MAPK8IP3: variants seen among roughly 807,000 people sequenced by gnomAD.
The protein encoded by MAPK8IP3 is C-Jun-amino-terminal kinase-interacting protein 3.
A neutral mutation model predicts 157.8 loss-of-function variants in MAPK8IP3; 49 were observed. That is an observed-to-expected ratio of 0.31 (90% CI 0.25 to 0.39). The LOEUF is 0.39. MAPK8IP3 is among the 10% of genes least tolerant of loss of function. The pLI is 1.00. For missense variants in MAPK8IP3, 1,478 were observed against 1,889.4 expected (o/e 0.78, Z 4.04); for synonymous variants, 897 against 777.7 (o/e 1.15, Z -2.55).
At position 1,710,994 on chromosome 16, in the gene MAPK8IP3, G is replaced by T. The variant is rs759669822; in HGVS notation, c.318+4337G>T. Among the ~76,000 whole-genome samples the T allele has an allele frequency of 2.8e-4, 43 of 152,238 alleles. No individual in the cohort carries two copies. The highest frequency in any genetic ancestry group is 7.9e-4 in the Admixed American group (12 of 15,286). On this transcript the variant is annotated intron_variant, in intron 1 of 31. Coordinates refer to ENST00000610761, the MANE Select transcript of MAPK8IP3 (RefSeq NM_001318852.2). The surrounding 1 kb of genome is among the most constrained non-coding windows in gnomAD (Gnocchi z 4.1). The stretch of plus-strand genomic sequence containing the variant: ...GGACAGAGGCCGAAGTGGCCCGGAG[G>T]CCGCTGGGCGCAGCCTGCCCCTCTG...
At chr16:1,744,643 C>T (rs1258977802) in intron 5 of MAPK8IP3, 3 of 985,410 alleles carry the variant, frequency 3.0e-6, no homozygotes, top group Non-Finnish European at 3.6e-6. Flanking sequence ...TGCCCATAGG[C>T]ATCTGAAGAC....
At chr16:1,733,223 G>T (rs887717831) in intron 4 of MAPK8IP3, among the ~76,000 whole-genome samples, 2 of 152,132 alleles carry the variant, frequency 1.3e-5, no homozygotes, top group Non-Finnish European at 2.9e-5. Flanking sequence ...CTCTGAGGCT[G>T]TGTCGGAGGG....
At chr16:1,729,445 C>A in intron 3 of MAPK8IP3, 42 bp from the exon 4 acceptor site, 1 of 1,513,492 alleles carries the variant, frequency 6.6e-7, no homozygotes, top group South Asian at 1.1e-5. Context: ...ACGGAGACAG[C>A]CCCCCACGGC....
intron 4 of MAPK8IP3, among the ~76,000 whole-genome samples, chr16:1,739,924 TTCCG>T (rs2040535354): frequency 2.3e-5 from 1 of 43,308 alleles, no homozygotes; most frequent in Non-Finnish European, 4.2e-5. Context: ...CCGTGTGAGC[TTCCG>T]TGTGACTGTC....
chr16:1,709,426 A>G (rs966506589), intron 1 of MAPK8IP3, among the ~76,000 whole-genome samples: 2 of 152,180 alleles, frequency 1.3e-5, no homozygotes, highest in Admixed American at 1.3e-4. Context: ...GTTTCATCTC[A>G]AGATCCAAGC....
chr16:1,749,121 C>A (rs891091840), intron 8 of MAPK8IP3, among the ~76,000 whole-genome samples: 1 of 152,222 alleles, frequency 6.6e-6, no homozygotes, highest in Non-Finnish European at 1.5e-5. Flanking sequence ...TGTACATTTT[C>A]TGTGAGGCTG....
chr16:1,720,145 C>T (rs1325187517), intron 1 of MAPK8IP3, among the ~76,000 whole-genome samples: 1 of 152,228 alleles, frequency 6.6e-6, no homozygotes, highest in African/African-American at 2.4e-5. Flanking sequence ...AGCAATTCTC[C>T]TGCCTCAGCC....
At position 1,738,984 on chromosome 16, in the gene MAPK8IP3, ATG is replaced by A. The variant is rs79766341; in HGVS notation, c.603-4345_603-4344del. 7.6e-3 allele frequency among the ~76,000 whole-genome samples: 661 copies of A among 87,310 alleles called. 31 individuals carry two copies. In the East Asian group the frequency reaches 0.13, roughly 17 times the overall value. 57.3% of individuals were successfully genotyped at this position (87,310 alleles called of 152,430 possible). The stretch of plus-strand genomic sequence containing the variant: ...CATCTGTGTGACCGTCCGTGTGAGC[ATG>A]TGAGCATCCGTGTGTGTGACCATCC... On this transcript the variant is annotated intron_variant, in intron 4 of 31. Transcript: ENST00000610761.
At chr16:1,720,777 G>A (rs911065736) in intron 1 of MAPK8IP3, among the ~76,000 whole-genome samples, 2 of 152,236 alleles carry the variant, frequency 1.3e-5, no homozygotes, top group Non-Finnish European at 2.9e-5. Flanking sequence ...GCTCACGCCT[G>A]TAATCCCAGC....
rs1299999211 is a variant in MAPK8IP3 at position 1,764,426 on chromosome 16, C to T, written c.2247C>T (p.Pro749=). The change falls in exon 19 of 32, where the codon CCC becomes CCT. Residue 749 remains proline, a synonymous_variant. Transcript: ENST00000610761. ...GCGACCGCGAAGGAGACGGCGAGCCCAAGAGCGCCCACACGTCTCCCGAGA... is the reference window on the plus strand; with the variant it reads ...GCGACCGCGAAGGAGACGGCGAGCCTAAGAGCGCCCACACGTCTCCCGAGA... ...LTCDREGDGE[P]KSAHTSPEKK... 13 of 1,607,548 alleles carry T rather than the reference C, an allele frequency of 8.1e-6. No individual in the cohort carries two copies. The highest frequency in any genetic ancestry group is 1.1e-5 in the Non-Finnish European group (13 of 1,178,598).
In MAPK8IP3 at chr16:1,729,221, A is replaced by C. The variant is rs749775376; in HGVS notation, c.510+13A>C. ...GCGGCACACAGAGGTGGGCGCCCAG[A>C]GGCAAGCGCGGAGACGAGGGTTGGA... On this transcript the variant is annotated intron_variant, in intron 3 of 31. Coordinates refer to ENST00000610761, the MANE Select transcript of MAPK8IP3 (RefSeq NM_001318852.2). 9.9e-6 allele frequency: 16 copies of C among 1,613,568 alleles called. No homozygotes were observed. Among genetic ancestry groups the C allele is most frequent in the Non-Finnish European group, 1.4e-5 (16 of 1,179,968 alleles).
chr16:1,761,758 C>G (rs2041964516), intron 13 of MAPK8IP3, among the ~76,000 whole-genome samples: 1 of 151,088 alleles, frequency 6.6e-6, no homozygotes, highest in South Asian at 2.1e-4. Flanking sequence ...GACCACTGTT[C>G]ATACGCATTC....
In MAPK8IP3 at chr16:1,768,071, G is replaced by A. The variant is rs1471960250; in HGVS notation, c.3526G>A (p.Val1176Met). 1.9e-6 allele frequency: 3 copies of A among 1,612,380 alleles called. No homozygotes were observed. The highest frequency in any genetic ancestry group is 2.2e-5 in the East Asian group (1 of 44,868). Residue 1176 changes from valine to methionine, a missense_variant and splice_region_variant, in exon 29 of 32, where the codon GTG becomes ATG. Around this residue, in one of 11 missense-constraint regions of MAPK8IP3, gnomAD observed 83 missense variants for 85.3 expected, o/e 0.97. Coordinates refer to ENST00000610761, the MANE Select transcript of MAPK8IP3 (RefSeq NM_001318852.2). ...CCATGCTCCTCCCATGTCCCCAGCTGTGGTCCTGCACCGAGGCCAGCTCCT... is the reference window on the plus strand; with the variant it reads ...CCATGCTCCTCCCATGTCCCCAGCTATGGTCCTGCACCGAGGCCAGCTCCT... ...VVISIPLTET[V>M]VLHRGQLLGL...
chr16:1,743,098 AAAAATAAAATAAAAT>A lies in MAPK8IP3; in HGVS notation c.603-218_603-204del, dbSNP rs542720503. ...TGACAGAGCGAGACTCCGCCTCAAA[AAAAATAAAATAAAAT>A]AAAATAAAATAAAATTGAACTTAAT... On this transcript the variant is annotated intron_variant, in intron 4 of 31. Transcript: ENST00000610761. The surrounding 1 kb of genome is among the most constrained non-coding windows in gnomAD (Gnocchi z 5.6). Among the ~76,000 whole-genome samples, 2 of 152,216 alleles carry A rather than the reference AAAAATAAAATAAAAT, an allele frequency of 1.3e-5. No homozygotes were observed. The highest frequency in any genetic ancestry group is 2.1e-4 in the South Asian group (1 of 4,816).
chr16:1,766,402 C>G lies in MAPK8IP3; in HGVS notation c.2812C>G (p.Pro938Ala), dbSNP rs1471740472. The change falls in exon 22 of 32, where the codon CCT becomes GCT. Residue 938 changes from proline to alanine, a missense_variant. Around this residue, in one of 11 missense-constraint regions of MAPK8IP3, gnomAD observed 669 missense variants for 759.8 expected, o/e 0.88. Transcript: ENST00000610761. ...PAPTPSSGPQ[P>A]GSENGPEPDS... Reference sequence around the variant, plus strand: ...CCCGACCCCGTCCTCTGGCCCCCAGCCTGGCAGGTGAGCTCTTGGGCTGGG... The same window carrying G: ...CCCGACCCCGTCCTCTGGCCCCCAGGCTGGCAGGTGAGCTCTTGGGCTGGG... 1.2e-6 allele frequency: 2 copies of G among 1,609,994 alleles called. No homozygotes were observed. Among genetic ancestry groups the G allele is most frequent in the South Asian group, 2.2e-5 (2 of 90,998 alleles).
chr16:1,742,980 C>A lies in MAPK8IP3; in HGVS notation c.603-352C>A, dbSNP rs538955297. Among the ~76,000 whole-genome samples the A allele has an allele frequency of 1.4e-3, 217 of 152,068 alleles. No individual in the cohort carries two copies. Among genetic ancestry groups the A allele is most frequent in the African/African-American group, 4.9e-3 (204 of 41,468 alleles). On this transcript the variant is annotated intron_variant, in intron 4 of 31. Transcript: ENST00000610761. This position sits in a 1 kb window ranked among gnomAD's most constrained non-coding sequence, Gnocchi z 5.0. The stretch of plus-strand genomic sequence containing the variant: ...TACTAAAAATACAAAAAAAAATTAG[C>A]CAGGCGTGGGAGGCTGAGGCAGGAG...
rs761403254 is a variant in MAPK8IP3 at position 1,748,307 on chromosome 16, A to G, written c.1058A>G (p.Asp353Gly). The G allele has an allele frequency of 6.2e-7, 1 of 1,613,898 alleles. No homozygotes were observed. Among genetic ancestry groups the G allele is most frequent in the Admixed American group, 1.7e-5 (1 of 60,024 alleles). The change falls in exon 7 of 32, where the codon GAC becomes GGC. Residue 353 changes from aspartate to glycine, a missense_variant. Transcript: ENST00000610761. ...QDIIDSTPEL[D>G]MCPETRLDRT... ...ATTATTGACTCCACGCCAGAGCTGG[A>G]CATGTGTCCAGAGACCCGCCTGGAC...
chr16:1,768,722 G>C lies in MAPK8IP3; in HGVS notation c.3912G>C (p.Glu1304Asp), dbSNP rs575438591. Residue 1304 changes from glutamate (E) to aspartate (D), a missense_variant, in exon 32 of 32, where the codon GAG (glutamate) becomes GAC (aspartate). Physicochemically the swap from Glu to Asp is conservative, Grantham distance 45. This residue lies in a region of MAPK8IP3 where 133 missense variants were observed against 133.4 expected (regional missense o/e 1.00). Coordinates refer to ENST00000610761, the MANE Select transcript of MAPK8IP3 (RefSeq NM_001318852.2). ...CCGCAGGAGACGGAGAGGACGACGA[G>C]ACGGAGGAGGGCGCAGGGGACATGA... is the stretch of plus-strand genomic sequence containing the variant. ...DFRIGDGEDD[E>D]TEEGAGDMSQ... 10 of 1,612,692 alleles carry C rather than the reference G, an allele frequency of 6.2e-6. No individual in the cohort carries two copies. Among genetic ancestry groups the C allele is most frequent in the Non-Finnish European group, 7.6e-6 (9 of 1,179,840 alleles).
intron 1 of MAPK8IP3, among the ~76,000 whole-genome samples, chr16:1,709,590 G>A (rs901811676): frequency 2.0e-5 from 3 of 152,258 alleles, no homozygotes; most frequent in African/African-American, 7.2e-5. Context: ...TGGTTGTGCA[G>A]GCTCTGATAC....
Sources: gnomAD v4.1 joint callset for allele counts (sites outside exome capture counted in the v4.1 genomes callset) on GRCh38, gnomAD v4.1.1 for gene constraint, gnomAD v4.1.1 regional missense constraint, Gnocchi (gnomAD v3.1) non-coding constraint, MANE v1.5 for transcripts, NCBI Gene and HGNC (gene_info 2026-07-23, HGNC 2026-07-21) for gene names.